NAP1L4: variants seen among roughly 807,000 people sequenced by gnomAD.
NAP1L4 encodes nucleosome assembly protein 1 like 4.
In NAP1L4, 15 loss-of-function variants were observed where a neutral mutation model predicts 58.2. The ratio of observed to expected loss-of-function variants is 0.26; its 90% CI spans 0.17 to 0.40. The LOEUF (loss-of-function observed/expected upper bound fraction) is 0.40. NAP1L4 is among the 10% of genes least tolerant of loss of function. The pLI, the probability that NAP1L4 is intolerant of heterozygous loss-of-function variation, is 1.00. For missense variants in NAP1L4, 384 were observed against 451.1 expected (o/e 0.85, Z 1.35); for synonymous variants, 171 against 155.6 (o/e 1.10, Z -0.74).
chr11:2,982,733 T>C (rs1848400224), intron 1 of NAP1L4, among the ~76,000 whole-genome samples: 1 of 152,188 alleles, frequency 6.6e-6, no homozygotes, highest in Non-Finnish European at 1.5e-5. Context: ...AAGATTCTGT[T>C]GCTGCTAGGC....
chr11:2,950,736 C>A (rs1267585492), intron 14 of NAP1L4, among the ~76,000 whole-genome samples: 1 of 152,156 alleles, frequency 6.6e-6, no homozygotes, highest in African/African-American at 2.4e-5. Flanking sequence ...TCATTTTCAA[C>A]TCAGTTTTCT....
At position 2,959,821 on chromosome 11, in the gene NAP1L4, T is replaced by C. The variant is rs1392586143; in HGVS notation, c.695A>G (p.Asp232Gly). 2 of 1,614,108 alleles carry C rather than the reference T, an allele frequency of 1.2e-6. No individual in the cohort carries two copies. Among genetic ancestry groups the C allele is most frequent in the Non-Finnish European group, 1.7e-6 (2 of 1,180,040 alleles). The change falls in exon 9 of 16, where the codon GAT becomes GGT. Residue 232 changes from aspartate to glycine, a missense_variant. This residue lies in a region of NAP1L4 where 296 missense variants were observed against 360.8 expected (regional missense o/e 0.82). Transcript: ENST00000380542. This position sits in a 1 kb window ranked among gnomAD's most constrained non-coding sequence, Gnocchi z 4.9. ...TKTYKMKSEP[D>G]KADPFSFEGP... ...TTCAAAGGAAAAGGGATCAGCCTTA[T>C]CTGGTTCTGATTTCATCTTGTAGGT...
chr11:2,990,382 T>C (rs1009347954), intron 1 of NAP1L4: 4 of 152,232 alleles, frequency 2.6e-5, no homozygotes, highest in African/African-American at 7.2e-5. Context: ...CATTTTATCT[T>C]TGGATTACTT....
intron 1 of NAP1L4, chr11:2,991,970 T>C (rs1590287912): frequency 6.6e-6 from 1 of 152,002 alleles, no homozygotes; most frequent in Non-Finnish European, 1.5e-5. Context: ...ACAAAGCGCC[T>C]TGACCTTCAG....
intron 4 of NAP1L4, among the ~76,000 whole-genome samples, chr11:2,975,187 G>A (rs543995695): frequency 6.6e-6 from 1 of 151,580 alleles, no homozygotes; most frequent in African/African-American, 2.4e-5. Flanking sequence ...GCATGGTGGT[G>A]CATGCCTATA....
rs926465077 is a variant in NAP1L4 at position 2,949,195 on chromosome 11, G to A, written c.*32+32C>T. ...TGTATAAAGTATAGATCAGAAGTTT[G>A]GAAGTTAGGTATGAATGGAATTCCA... On this transcript the variant is annotated intron_variant, in intron 15 of 15. Coordinates refer to ENST00000380542, the MANE Select transcript of NAP1L4 (RefSeq NM_005969.4). The surrounding 1 kb of genome is among the most constrained non-coding windows in gnomAD (Gnocchi z 4.0). 1.2e-5 allele frequency: 19 copies of A among 1,528,678 alleles called. No individual in the cohort carries two copies. Among genetic ancestry groups the A allele is most frequent in the Admixed American group, 3.4e-5 (2 of 58,662 alleles). 94.7% of individuals were successfully genotyped at this position (1,528,678 alleles called of 1,614,324 possible). A position where few individuals can be genotyped will look rare whatever the true frequency, so the allele number is the denominator to read the frequency against.
rs192412097 is a variant in NAP1L4, at chr11:2,956,222, C to T, written c.893-456G>A. 1.9e-4 allele frequency among the ~76,000 whole-genome samples: 29 copies of T among 152,282 alleles called. No individual in the cohort carries two copies. In the East Asian group the frequency reaches 4.1e-3, roughly 21 times the overall value. ...GTGTTACTAAGGCACTGCAAATCAG[C>T]GAGACAGAAACTGCATTTCTGTTTG... On this transcript the variant is annotated intron_variant, in intron 10 of 15. Transcript: ENST00000380542.
In NAP1L4 at chr11:2,949,264, C is replaced by T. The variant is rs767992044; in HGVS notation, c.1123G>A (p.Val375Met). ...DEDDAEINPKV is the reference protein window; with the variant it reads ...DEDDAEINPKM ...GAATGATTAACAGACAAAAATTACA[C>T]CTAAATGGGGAAAAAAATTGAAAGG... The change falls in exon 15 of 16, where the codon GTG becomes ATG. Residue 375 changes from valine to methionine, a missense_variant and splice_region_variant. Val to Met is a conservative substitution (Grantham distance 21). Around this residue, in one of 3 missense-constraint regions of NAP1L4, gnomAD observed 296 missense variants for 360.8 expected, o/e 0.82. Transcript: ENST00000380542. This position sits in a 1 kb window ranked among gnomAD's most constrained non-coding sequence, Gnocchi z 4.0. 2.5e-6 allele frequency: 4 copies of T among 1,597,904 alleles called. No homozygotes were observed. The highest frequency in any genetic ancestry group is 3.4e-6 in the Non-Finnish European group (4 of 1,165,514).
At chr11:2,990,881 A>C (rs1848922078) in intron 1 of NAP1L4, 4 of 331,988 alleles carry the variant, frequency 1.2e-5, no homozygotes, top group East Asian at 7.7e-5. Flanking sequence ...TTACTATTAC[A>C]GGAAGGTAGT....
chr11:2,967,746 C>T (rs1409314758), intron 7 of NAP1L4, among the ~76,000 whole-genome samples: 1 of 152,044 alleles, frequency 6.6e-6, no homozygotes, highest in African/African-American at 2.4e-5. Context: ...TCTATCAACC[C>T]CTGCATATCT....
chr11:2,978,406 G>A, intron 2 of NAP1L4, 64 bp from the exon 3 acceptor site: 3 of 1,458,318 alleles, frequency 2.1e-6, no homozygotes, highest in Non-Finnish European at 2.9e-6. Flanking sequence ...TAGCACAAAT[G>A]GACATGTTTC....
At position 2,981,418 on chromosome 11, in the gene NAP1L4, C is replaced by CAAAAAAAAAAAA. The variant is rs35499396; in HGVS notation, c.-17-2193_-17-2182dup. Among the ~76,000 whole-genome samples the CAAAAAAAAAAAA allele has an allele frequency of 5.8e-4, 24 of 41,282 alleles. 1 individual carries two copies. The highest frequency in any genetic ancestry group is 1.3e-3 in the Admixed American group (3 of 2,266). The allele number at this position is 41,282 out of a possible 152,430, so 27.1% of individuals were successfully genotyped here. ...GGACAACAGAGCAAGTACCCTGTCTCAAAAAAAAAAAAAAAAAAAAAAAAA... is the reference window on the plus strand; with the variant it reads ...GGACAACAGAGCAAGTACCCTGTCTCAAAAAAAAAAAAAAAAAAAAAAAAAAAAAAAAAAAAA... On this transcript the variant is annotated intron_variant, in intron 1 of 15. Transcript: ENST00000380542.
At chr11:2,968,336 G>A (rs1847410731) in intron 7 of NAP1L4, among the ~76,000 whole-genome samples, 1 of 152,168 alleles carries the variant, frequency 6.6e-6, no homozygotes, top group Non-Finnish European at 1.5e-5. Context: ...AATACACAGG[G>A]TGAGACTACG....
intron 6 of NAP1L4, among the ~76,000 whole-genome samples, chr11:2,970,741 A>G (rs534751577): frequency 6.6e-6 from 1 of 152,130 alleles, no homozygotes; most frequent in Admixed American, 6.6e-5. Context: ...GCTGTTAGAA[A>G]CTGATTCACA....
intron 7 of NAP1L4, among the ~76,000 whole-genome samples, chr11:2,969,593 A>G (rs929536928): frequency 2.0e-5 from 3 of 152,192 alleles, no homozygotes; most frequent in African/African-American, 7.2e-5. Flanking sequence ...TTCCACCAAG[A>G]ACTGCAAAAG....
At chr11:2,958,766 T>C (rs1846696688) in intron 9 of NAP1L4, 2 of 554,538 alleles carry the variant, frequency 3.6e-6, no homozygotes, top group Non-Finnish European at 6.3e-6. Context: ...AACTTCAGAC[T>C]TCTGGAACAA....
intron 8 of NAP1L4, among the ~76,000 whole-genome samples, chr11:2,964,469 A>C (rs1847137670): frequency 6.6e-6 from 1 of 152,192 alleles, no homozygotes. Context: ...AGCATGACAC[A>C]GAAAGGCAAT....
intron 4 of NAP1L4, among the ~76,000 whole-genome samples, chr11:2,973,749 C>A (rs1312769447): frequency 6.6e-6 from 1 of 152,188 alleles, no homozygotes; most frequent in East Asian, 1.9e-4. Context: ...GCCATTTTTA[C>A]CCCTTTTCTG....
chr11:2,955,854 G>C lies in NAP1L4; in HGVS notation c.893-88C>G, dbSNP rs1383023727. On this transcript the variant is annotated intron_variant, in intron 10 of 15. Transcript: ENST00000380542. The surrounding 1 kb of genome is among the most constrained non-coding windows in gnomAD (Gnocchi z 4.2). ...CACACAGGAGGAAGCTGTGCTGGTAGATAAAATGTAACATTTCTCACCTCG... is the reference window on the plus strand; with the variant it reads ...CACACAGGAGGAAGCTGTGCTGGTACATAAAATGTAACATTTCTCACCTCG... 8 of 1,228,018 alleles carry C rather than the reference G, an allele frequency of 6.5e-6. No homozygotes were observed. Among genetic ancestry groups the C allele is most frequent in the Non-Finnish European group, 9.4e-6 (8 of 853,342 alleles). The allele number at this position is 1,228,018 out of a possible 1,614,324, so 76.1% of individuals were successfully genotyped here. A position where few individuals can be genotyped will look rare whatever the true frequency, so the allele number is the denominator to read the frequency against.
Sources: allele counts gnomAD v4.1 joint callset (sites outside exome capture counted in the v4.1 genomes callset), GRCh38; gene constraint gnomAD v4.1.1; regional missense constraint gnomAD v4.1.1; non-coding constraint Gnocchi (gnomAD v3.1); transcripts MANE v1.5; gene names NCBI Gene and HGNC (gene_info 2026-07-23, HGNC 2026-07-21).